The following DPF3 variants were observed in gnomAD, a reference collection of about 807,000 sequenced individuals.
The protein encoded by DPF3 is double PHD fingers 3.
DPF3 carries 18 observed loss-of-function variants against 56.8 expected under a neutral mutation model. The observed-to-expected ratio is 0.32, with a 90% confidence interval of 0.22 to 0.47. DPF3 has a LOEUF of 0.47. Among genes scored for constraint, DPF3 ranks in the 20% least tolerant of loss-of-function variants. The pLI is 1.00. For synonymous variants in DPF3, 188 were observed against 180.2 expected, an observed-to-expected ratio of 1.04 and a Z score of -0.35; for missense variants, 403 against 488.8, an observed-to-expected ratio of 0.82 and a Z score of 1.65.
At chr14:72,791,250 T>A (rs185733104) in intron 1 of DPF3, among the ~76,000 whole-genome samples, 1 of 152,346 alleles carries the variant, frequency 6.6e-6, no homozygotes, top group African/African-American at 2.4e-5. Flanking sequence ...AGCTGCTGCT[T>A]TGCTGGAACC....
chr14:72,795,121 G>A (rs1892582971), intron 1 of DPF3, among the ~76,000 whole-genome samples: 1 of 151,870 alleles, frequency 6.6e-6, no homozygotes, highest in Non-Finnish European at 1.5e-5. Flanking sequence ...TTAGGACATG[G>A]ACATCTTTGG....
At position 72,674,229 on chromosome 14, in the gene DPF3, G is replaced by A. The variant is rs762985413; in HGVS notation, c.871+11C>T. On this transcript the variant is annotated intron_variant, in intron 8 of 10. Coordinates refer to ENST00000556509, the MANE Select transcript of DPF3 (RefSeq NM_001280542.3). ...CTACGGGCACCCGGTGTGGGAAGGGGCCACACTCACCAGAGCGTCCACAGT... is the reference window on the plus strand; with the variant it reads ...CTACGGGCACCCGGTGTGGGAAGGGACCACACTCACCAGAGCGTCCACAGT... The A allele has an allele frequency of 1.2e-6, 2 of 1,610,876 alleles. No homozygotes were observed. The highest frequency in any genetic ancestry group is 2.2e-5 in the East Asian group (1 of 44,822).
intron 1 of DPF3, among the ~76,000 whole-genome samples, chr14:72,883,885 C>A (rs995223388): frequency 6.6e-6 from 1 of 150,942 alleles, no homozygotes; most frequent in Admixed American, 6.6e-5. Flanking sequence ...CAAGATCACG[C>A]CACTGCACTC....
chr14:72,888,621 C>G (rs1378298037), intron 1 of DPF3, among the ~76,000 whole-genome samples: 2 of 152,192 alleles, frequency 1.3e-5, no homozygotes, highest in Non-Finnish European at 2.9e-5. Flanking sequence ...CTCCATCCTC[C>G]CCCTACCCAA....
At chr14:72,707,887 A>G (rs1289596285) in intron 6 of DPF3, among the ~76,000 whole-genome samples, 1 of 151,944 alleles carries the variant, frequency 6.6e-6, no homozygotes, top group Non-Finnish European at 1.5e-5. Flanking sequence ...GCTCACTGCA[A>G]CCTCTGCTTT....
rs1883644368 is a variant in DPF3, at chr14:72,610,282, G to T, written c.*9015C>A. The stretch of plus-strand genomic sequence containing the variant: ...GGGCATCCAAGGCCTGGTGGAGCCT[G>T]TGCAGGCCTGAGCTTCCTCGTGGAG... On this transcript the variant is annotated 3_prime_UTR_variant, in exon 11 of 11. Coordinates refer to ENST00000556509, the MANE Select transcript of DPF3 (RefSeq NM_001280542.3). Among the ~76,000 whole-genome samples, 1 of 152,208 alleles carries T rather than the reference G, an allele frequency of 6.6e-6. No individual in the cohort carries two copies. The highest frequency in any genetic ancestry group is 1.5e-5 in the Non-Finnish European group (1 of 68,038).
At chr14:72,873,486 T>G (rs1017386087) in intron 1 of DPF3, among the ~76,000 whole-genome samples, 1 of 152,250 alleles carries the variant, frequency 6.6e-6, no homozygotes, top group African/African-American at 2.4e-5. Context: ...GACTGTAAAC[T>G]AGTTCAACCA....
intron 1 of DPF3, among the ~76,000 whole-genome samples, chr14:72,835,079 T>G (rs1294920798): frequency 8.1e-6 from 1 of 124,074 alleles, no homozygotes; most frequent in African/African-American, 3.2e-5. Flanking sequence ...GCTTCCTGAG[T>G]GCAGAATTTC....
chr14:72,661,330 G>A, intron 8 of DPF3: 3 of 985,404 alleles, frequency 3.0e-6, no homozygotes, highest in Non-Finnish European at 3.6e-6. Flanking sequence ...GGAAGTCGGT[G>A]CCCACCTGCC....
chr14:72,892,760 C>T (rs1298448904), intron 1 of DPF3: 3 of 945,336 alleles, frequency 3.2e-6, no homozygotes, highest in South Asian at 4.8e-5. Context: ...CCTGCGGCTT[C>T]GTCCGGGCGG....
intron 2 of DPF3, among the ~76,000 whole-genome samples, chr14:72,757,355 CT>C (rs1230008795): frequency 6.6e-6 from 1 of 152,134 alleles, no homozygotes; most frequent in Non-Finnish European, 1.5e-5. Context: ...CCAACTCTTA[CT>C]GTGATAAAGA....
chr14:72,853,491 T>C (rs1261867777), intron 1 of DPF3, among the ~76,000 whole-genome samples: 1 of 135,754 alleles, frequency 7.4e-6, no homozygotes, highest in African/African-American at 2.7e-5. Context: ...TTTTTTTTTT[T>C]TGAGATAGAA....
chr14:72,764,161 AG>A (rs140466558), intron 2 of DPF3, among the ~76,000 whole-genome samples: 5,311 of 152,274 alleles, frequency 0.035, 216 homozygotes, highest in African/African-American at 0.1. Flanking sequence ...TGTACCTTTT[AG>A]CCCCAACTCT....
At chr14:72,672,956 G>C (rs1439932925) in intron 8 of DPF3, among the ~76,000 whole-genome samples, 1 of 151,830 alleles carries the variant, frequency 6.6e-6, no homozygotes, top group African/African-American at 2.4e-5. Context: ...CTATCACAAG[G>C]GCCCTGTCTT....
At chr14:72,727,257 C>T (rs1404993785) in intron 4 of DPF3, among the ~76,000 whole-genome samples, 2 of 152,240 alleles carry the variant, frequency 1.3e-5, no homozygotes, top group Non-Finnish European at 2.9e-5. Flanking sequence ...TTTCCTGACT[C>T]TTCTCATCCC....
chr14:72,733,826 AC>A (rs971011834), intron 3 of DPF3, among the ~76,000 whole-genome samples: 40 of 152,300 alleles, frequency 2.6e-4, no homozygotes, highest in African/African-American at 9.4e-4. Context: ...AGGGAGTCTG[AC>A]CAATCCATGA....
At chr14:72,663,822 G>T (rs2153569550) in intron 8 of DPF3, among the ~76,000 whole-genome samples, 1 of 152,082 alleles carries the variant, frequency 6.6e-6, no homozygotes, top group East Asian at 1.9e-4. Context: ...GAGCAGCTCA[G>T]CCTCTTCCAA....
At chr14:72,715,075 C>A (rs10140184) in intron 5 of DPF3, among the ~76,000 whole-genome samples, 56,048 of 152,088 alleles carry the variant, frequency 0.37, 11,259 homozygotes, top group Middle Eastern at 0.45. Context: ...ACGAGTGTAG[C>A]TACAGGGGAG....
chr14:72,628,589 C>T (rs1411743464), intron 9 of DPF3, among the ~76,000 whole-genome samples: 2 of 152,030 alleles, frequency 1.3e-5, no homozygotes, highest in Admixed American at 6.6e-5. Context: ...AGGCATTATA[C>T]ATCCTGATGA....
Sources: allele counts gnomAD v4.1 joint callset (sites outside exome capture counted in the v4.1 genomes callset), GRCh38; gene constraint gnomAD v4.1.1; transcripts MANE v1.5; gene names NCBI Gene and HGNC (gene_info 2026-07-23, HGNC 2026-07-21).